NFATC2: variants seen among roughly 807,000 people sequenced by gnomAD.
NFATC2 encodes the protein nuclear factor of activated T-cells, cytoplasmic 2.
In NFATC2, 22 loss-of-function variants were observed where a neutral mutation model predicts 87.3. The ratio of observed to expected loss-of-function variants is 0.25; its 90% CI spans 0.18 to 0.36. The LOEUF is 0.36. Among genes scored for constraint, NFATC2 ranks in the 10% least tolerant of loss-of-function variants. The pLI is 1.00. For synonymous variants in NFATC2, 565 were observed against 542.2 expected, an observed-to-expected ratio of 1.04 and a Z score of -0.58; for missense variants, 1,149 against 1,259.1, an observed-to-expected ratio of 0.91 and a Z score of 1.32.
In NFATC2 at chr20:51,432,467, CG is replaced by C; in HGVS notation, c.2321del (p.Pro774ArgfsTer37). On this transcript the variant is annotated frameshift_variant, in exon 9 of 11. Coordinates refer to ENST00000371564, the MANE Select transcript of NFATC2 (RefSeq NM_012340.5). LOFTEE classifies it high-confidence loss of function. This position sits in a 1 kb window ranked among gnomAD's most constrained non-coding sequence, Gnocchi z 4.6. ...AGCGGTGAGCGTCCGCAAGGGACAG[CG>C]GGGCGGCCATGAGGGCCGGCTGCTG... ...GYQQPALMAA[P>X]LSLADAHRSV... 1 of 1,558,204 alleles carries C rather than the reference CG, an allele frequency of 6.4e-7. No homozygotes were observed. Among genetic ancestry groups the C allele is most frequent in the East Asian group, 2.3e-5 (1 of 44,312 alleles).
At chr20:51,487,752 C>T (rs1209760627) in intron 3 of NFATC2, among the ~76,000 whole-genome samples, 1 of 152,058 alleles carries the variant, frequency 6.6e-6, no homozygotes, top group African/African-American at 2.4e-5. Context: ...ACACCAAAGA[C>T]TGTGCAGGTC....
intron 3 of NFATC2, among the ~76,000 whole-genome samples, chr20:51,478,145 A>G (rs1988920827): frequency 6.6e-6 from 1 of 152,212 alleles, no homozygotes; most frequent in Non-Finnish European, 1.5e-5. Context: ...AGACACTTAC[A>G]TAAGTGTCTG....
chr20:51,531,221 G>T (rs1013118025), intron 1 of NFATC2, among the ~76,000 whole-genome samples: 1 of 152,178 alleles, frequency 6.6e-6, no homozygotes, highest in Non-Finnish European at 1.5e-5. Flanking sequence ...GCCCCAGCAT[G>T]GCACAGGAGG....
rs182720948 is a variant in NFATC2, at chr20:51,388,853, T to A, written c.*2643A>T. On this transcript the variant is annotated 3_prime_UTR_variant, in exon 11 of 11. Transcript: ENST00000371564. ...TTCTAACACACGTGCAACACACCCA[T>A]CTTTACCATTTAGACACCCCTACTT... The A allele has an allele frequency of 6.6e-6, 1 of 152,330 alleles. No homozygotes were observed. The highest frequency in any genetic ancestry group is 2.4e-5 in the African/African-American group (1 of 41,580). The allele number at this position is 152,330 out of a possible 1,614,324, so 9.4% of individuals were successfully genotyped here.
intron 3 of NFATC2, among the ~76,000 whole-genome samples, chr20:51,494,244 T>C (rs888662189): frequency 3.3e-5 from 5 of 151,998 alleles, no homozygotes; most frequent in Non-Finnish European, 5.9e-5. Flanking sequence ...TGAATTTCCA[T>C]GGGTTTGCTC....
At chr20:51,473,030 A>G (rs6021228) in intron 5 of NFATC2, among the ~76,000 whole-genome samples, 82,975 of 152,070 alleles carry the variant, frequency 0.55, 24,772 homozygotes, top group African/African-American at 0.8. Context: ...TTAATGTATA[A>G]GTAGACTTTA....
chr20:51,489,260 C>T (rs967913511), intron 3 of NFATC2, among the ~76,000 whole-genome samples: 4 of 152,122 alleles, frequency 2.6e-5, no homozygotes, highest in Non-Finnish European at 5.9e-5. Context: ...TGAGGGGGGC[C>T]CCTTTGGCCC....
intron 1 of NFATC2, among the ~76,000 whole-genome samples, chr20:51,535,894 G>A (rs567890194): frequency 6.6e-6 from 1 of 152,242 alleles, no homozygotes; most frequent in South Asian, 2.1e-4. Flanking sequence ...CAAAACCTCA[G>A]ATTACAAGGT....
intron 5 of NFATC2, among the ~76,000 whole-genome samples, chr20:51,466,270 C>G (rs1987680949): frequency 6.6e-6 from 1 of 152,152 alleles, no homozygotes; most frequent in African/African-American, 2.4e-5. Flanking sequence ...CCAGGCTGGT[C>G]TCGAACTCCT....
intron 9 of NFATC2, among the ~76,000 whole-genome samples, chr20:51,429,726 T>C (rs1982411726): frequency 6.6e-6 from 1 of 152,190 alleles, no homozygotes; most frequent in African/African-American, 2.4e-5. Context: ...CAACAAATAA[T>C]TAAACAAAAG....
intron 2 of NFATC2, among the ~76,000 whole-genome samples, chr20:51,519,373 G>A (rs2076404822): frequency 6.6e-6 from 1 of 151,852 alleles, no homozygotes; most frequent in Admixed American, 6.6e-5. Flanking sequence ...CAGCACTTAT[G>A]GGAGGCTGAA....
In NFATC2 at chr20:51,403,982, G is replaced by A. The variant is rs539594468; in HGVS notation, c.2723-5252C>T. 5.9e-5 allele frequency among the ~76,000 whole-genome samples: 9 copies of A among 152,320 alleles called. No homozygotes were observed. The East Asian group carries it at 1.5e-3, about 26-fold the overall frequency. On this transcript the variant is annotated intron_variant, in intron 9 of 10. Coordinates refer to ENST00000371564, the MANE Select transcript of NFATC2 (RefSeq NM_012340.5). ...AGTGAAGTCATCGAGGTTCAGGTAA[G>A]CAGACATCCCTCTATTTTAGGTCCA...
intron 3 of NFATC2, among the ~76,000 whole-genome samples, chr20:51,487,252 C>T (rs73271863): frequency 0.07 from 10,644 of 152,210 alleles, 1,207 homozygotes; most frequent in African/African-American, 0.24. Flanking sequence ...TGGCCCTGAC[C>T]GTGCCCAGCA....
intron 9 of NFATC2, among the ~76,000 whole-genome samples, chr20:51,419,476 T>C (rs1980553910): frequency 6.6e-6 from 1 of 152,104 alleles, no homozygotes; most frequent in Non-Finnish European, 1.5e-5. Context: ...CAGATGAGGG[T>C]ACCATCCTGA....
At chr20:51,546,459 G>C (rs2146821157), upstream of NFATC2, among the ~76,000 whole-genome samples, 1 of 152,336 alleles carries the variant, frequency 6.6e-6, no homozygotes, top group South Asian at 2.1e-4. Flanking sequence ...TGCATCGAGA[G>C]TGACTCTGGG....
intron 3 of NFATC2, among the ~76,000 whole-genome samples, chr20:51,500,404 G>C (rs899743496): frequency 1.3e-5 from 2 of 151,964 alleles, no homozygotes; most frequent in Non-Finnish European, 2.9e-5. Flanking sequence ...AAGAGAAGTT[G>C]GAACTCCCAC....
At chr20:51,559,902 A>G (rs2077007528) in intron 1 of NFATC2, among the ~76,000 whole-genome samples, 2 of 152,260 alleles carry the variant, frequency 1.3e-5, no homozygotes, top group African/African-American at 2.4e-5. Context: ...TGACAATCCG[A>G]TGAAGTTGAT....
At chr20:51,394,016 T>C (rs1986690854) in intron 10 of NFATC2, among the ~76,000 whole-genome samples, 1 of 152,180 alleles carries the variant, frequency 6.6e-6, no homozygotes, top group Non-Finnish European at 1.5e-5. Flanking sequence ...TACTTTCAGA[T>C]AGAAGTGAAG....
At chr20:51,522,293 C>T (rs1430714199) in intron 2 of NFATC2, among the ~76,000 whole-genome samples, 2 of 27,536 alleles carry the variant, frequency 7.3e-5, no homozygotes, top group African/African-American at 1.8e-4. Context: ...GCGGGGGGGT[C>T]GGGGAGGGGG....
Sources: gnomAD v4.1 joint callset for allele counts (sites outside exome capture counted in the v4.1 genomes callset) on GRCh38, gnomAD v4.1.1 for gene constraint, Gnocchi (gnomAD v3.1) non-coding constraint, MANE v1.5 for transcripts, NCBI Gene and HGNC (gene_info 2026-07-23, HGNC 2026-07-21) for gene names.